UAP1: variants seen among roughly 807,000 people sequenced by gnomAD.
The protein encoded by UAP1 is UDP-N-acetylglucosamine pyrophosphorylase 1, also known as UDP-N-acetylhexosamine pyrophosphorylase.
UAP1 carries 25 observed loss-of-function variants against 58.5 expected under a neutral mutation model. The observed-to-expected ratio is 0.43, with a 90% CI of 0.31 to 0.60. The LOEUF is 0.60. Ranked by LOEUF, UAP1 falls within the 20% of genes least tolerant of loss-of-function variation. UAP1 has a pLI of 0.11. For synonymous variants in UAP1, 208 were observed against 213.0 expected, an observed-to-expected ratio of 0.98 and a Z score of 0.21; for missense variants, 575 against 630.0, an observed-to-expected ratio of 0.91 and a Z score of 0.93.
chr1:162,597,440 C>G, intron 9 of UAP1: 1 of 186,032 alleles, frequency 5.4e-6, no homozygotes, highest in Non-Finnish European at 1.1e-5. Flanking sequence ...TAGCATTGGG[C>G]TTGGCATATA....
At chr1:162,572,091 T>A (rs1424455414) in intron 2 of UAP1, among the ~76,000 whole-genome samples, 1 of 152,228 alleles carries the variant, frequency 6.6e-6, no homozygotes, top group Non-Finnish European at 1.5e-5. Context: ...AGATGAGATG[T>A]AAATGGATAT....
At chr1:162,590,544 C>A (rs1655239222) in intron 8 of UAP1, 33 bp downstream of exon 8, 4 of 1,539,518 alleles carry the variant, frequency 2.6e-6, no homozygotes, top group Non-Finnish European at 2.6e-6. Flanking sequence ...TTGTATGAAT[C>A]CTTTCTTGGA....
rs758221747 is a variant in UAP1, at chr1:162,590,501, G to A, written c.1348G>A (p.Ala450Thr). The change falls in exon 8 of 11, where the codon GCA becomes ACA. Residue 450 changes from alanine (A) to threonine (T), a missense_variant. Physicochemically the swap from Ala to Thr is moderately conservative, Grantham distance 58 (BLOSUM62 0). Transcript: ENST00000271469. Reference sequence around the variant, plus strand: ...AGATGAAAATGGCTCTCGCCTTCCAGCAATTCCCCGGTAAGTCAGTATCTT... The same window carrying A: ...AGATGAAAATGGCTCTCGCCTTCCAACAATTCCCCGGTAAGTCAGTATCTT... 3 of 1,599,918 alleles carry A rather than the reference G, an allele frequency of 1.9e-6. No individual in the cohort carries two copies. In the Admixed American group the frequency reaches 5.2e-5, roughly 28 times the overall value.
chr1:162,569,945 C>A (rs778434366), intron 2 of UAP1, among the ~76,000 whole-genome samples: 1 of 151,974 alleles, frequency 6.6e-6, no homozygotes, highest in East Asian at 1.9e-4. Context: ...GTCAGGAGAT[C>A]GAGACCATCC....
downstream of UAP1, among the ~76,000 whole-genome samples, chr1:162,600,472 A>G (rs1281298011): frequency 6.6e-6 from 1 of 152,196 alleles, no homozygotes; most frequent in Non-Finnish European, 1.5e-5. Context: ...ACTGAGCTTT[A>G]TAAATGCATC....
intron 2 of UAP1, among the ~76,000 whole-genome samples, chr1:162,574,380 A>G (rs1654050297): frequency 2.0e-5 from 3 of 152,324 alleles, no homozygotes; most frequent in African/African-American, 7.2e-5. Context: ...GGTGTGAGCC[A>G]CTGCACCTGG....
At position 162,590,353 on chromosome 1, in the gene UAP1, A is replaced by G. The variant is rs1436365469; in HGVS notation, c.1200A>G (p.Glu400=). 4.3e-6 allele frequency: 7 copies of G among 1,612,850 alleles called. No homozygotes were observed. The Admixed American group carries it at 1.0e-4, about 23-fold the overall frequency. Residue 400 remains glutamate, a synonymous_variant, in exon 8 of 11, where the codon GAA becomes GAG. Coordinates refer to ENST00000271469, the Ensembl canonical transcript of UAP1. ...TTGTGGTATATGAAGTATTGCGAGA[A>G]GATGAGTTTTCCCCACTAAAGAATG...
intron 8 of UAP1, among the ~76,000 whole-genome samples, chr1:162,591,434 G>C (rs1655303821): frequency 6.6e-6 from 1 of 152,156 alleles, no homozygotes; most frequent in Admixed American, 6.6e-5. Context: ...AGAAGGTATT[G>C]TAGTTATTTA....
intron 1 of UAP1, 43 bp from the exon 2 acceptor site, chr1:162,565,969 G>T: frequency 7.7e-7 from 1 of 1,297,526 alleles, no homozygotes; most frequent in Non-Finnish European, 1.1e-6. Context: ...CTCAATTTTG[G>T]AGGTTGGATT....
chr1:162,577,023 T>G (rs754683257), intron 3 of UAP1, 42 bp downstream of exon 3: 1 of 1,573,594 alleles, frequency 6.4e-7, no homozygotes, highest in Non-Finnish European at 8.7e-7. Context: ...GAACATATAT[T>G]GTTTTATAAT....
At chr1:162,596,995 G>C (rs2101847805) in intron 9 of UAP1, among the ~76,000 whole-genome samples, 2 of 152,300 alleles carry the variant, frequency 1.3e-5, no homozygotes, top group East Asian at 3.9e-4. Context: ...CTTTGACCTT[G>C]CCTTCGCTTG....
At chr1:162,581,238 C>T in intron 4 of UAP1, 49 bp from the exon 5 acceptor site, 2 of 1,547,900 alleles carry the variant, frequency 1.3e-6, no homozygotes, top group East Asian at 2.3e-5. Context: ...TTTGTGTTAC[C>T]TTTATGATGG....
chr1:162,599,185 TGC>T, intron 10 of UAP1, 84 bp from the exon 11 acceptor site: 2 of 774,240 alleles, frequency 2.6e-6, no homozygotes, highest in African/African-American at 1.8e-5. Context: ...TTGGCATTTG[TGC>T]TTTAAATCAT....
intron 5 of UAP1, among the ~76,000 whole-genome samples, chr1:162,582,118 C>T (rs1654630225): frequency 6.6e-6 from 1 of 152,060 alleles, no homozygotes; most frequent in Non-Finnish European, 1.5e-5. Context: ...AGCAAACATG[C>T]AAACCTTTAA....
intron 8 of UAP1, among the ~76,000 whole-genome samples, chr1:162,592,011 C>G (rs1196767462): frequency 6.6e-6 from 1 of 152,212 alleles, no homozygotes; most frequent in East Asian, 1.9e-4. Flanking sequence ...TCTGAATCAT[C>G]TGGTATATCC....
chr1:162,583,545 A>T (rs1654731381), intron 5 of UAP1, among the ~76,000 whole-genome samples: 1 of 152,172 alleles, frequency 6.6e-6, no homozygotes, highest in South Asian at 2.1e-4. Context: ...GAGAGTGTTC[A>T]ACCTGGAAGG....
At chr1:162,579,178 GGA>G (rs1476897577) in intron 3 of UAP1, among the ~76,000 whole-genome samples, 1 of 152,166 alleles carries the variant, frequency 6.6e-6, no homozygotes, top group Non-Finnish European at 1.5e-5. Context: ...TTCTCTTGAA[GGA>G]GGTGTGTTTA....
At chr1:162,575,001 T>C (rs1237031892) in intron 2 of UAP1, among the ~76,000 whole-genome samples, 1 of 152,230 alleles carries the variant, frequency 6.6e-6, no homozygotes, top group Admixed American at 6.5e-5. Flanking sequence ...AAATCAGTAA[T>C]GAAGATAGTC....
intron 9 of UAP1, among the ~76,000 whole-genome samples, chr1:162,596,517 A>G (rs183989019): frequency 2.0e-5 from 3 of 152,348 alleles, no homozygotes; most frequent in African/African-American, 2.4e-5. Context: ...GACAATCACT[A>G]TGAAATGCAG....
Sources: gnomAD v4.1 joint callset for allele counts (sites outside exome capture counted in the v4.1 genomes callset) on GRCh38, gnomAD v4.1.1 for gene constraint, MANE v1.5 for transcripts, NCBI Gene and HGNC (gene_info 2026-07-23, HGNC 2026-07-21) for gene names.